Variants in EPHB1 observed in about 807,000 individuals in gnomAD.
EPHB1 encodes the protein EPH receptor B1.
In EPHB1, 30 loss-of-function variants were observed where a neutral mutation model predicts 94.4. The ratio of observed to expected loss-of-function variants is 0.32; its 90% confidence interval spans 0.24 to 0.43. The LOEUF is 0.43. Ranked by LOEUF, EPHB1 falls within the 20% of genes least tolerant of loss-of-function variation. The pLI is 1.00. For missense variants in EPHB1, 1,055 were observed against 1,308.3 expected, an observed-to-expected ratio of 0.81 and a Z score of 2.99; for synonymous variants, 522 against 489.1, an observed-to-expected ratio of 1.07 and a Z score of -0.89.
intron 3 of EPHB1, among the ~76,000 whole-genome samples, chr3:135,097,540 C>T (rs1938849114): frequency 6.6e-6 from 1 of 152,164 alleles, no homozygotes; most frequent in African/African-American, 2.4e-5. Flanking sequence ...GAAAAGCACC[C>T]CCACCCTGGC....
chr3:134,973,864 A>G (rs1465868783), intron 3 of EPHB1, among the ~76,000 whole-genome samples: 7 of 152,172 alleles, frequency 4.6e-5, no homozygotes, highest in Non-Finnish European at 1.0e-4. Context: ...CCTAGAGAAA[A>G]TCTCTGCAGC....
At chr3:134,829,268 T>G (rs941475326) in intron 1 of EPHB1, among the ~76,000 whole-genome samples, 2 of 152,190 alleles carry the variant, frequency 1.3e-5, no homozygotes, top group Non-Finnish European at 2.9e-5. Flanking sequence ...AGGCTTGTTT[T>G]GGAGGGAAAA....
intron 1 of EPHB1, among the ~76,000 whole-genome samples, chr3:134,851,238 A>G (rs1285805998): frequency 2.6e-5 from 4 of 152,234 alleles, no homozygotes; most frequent in East Asian, 1.9e-4. Flanking sequence ...ATGCTATGCA[A>G]GCTTCTCAGG....
chr3:134,859,199 C>T (rs555697704), intron 1 of EPHB1, among the ~76,000 whole-genome samples: 56 of 152,306 alleles, frequency 3.7e-4, no homozygotes, highest in African/African-American at 1.3e-3. Context: ...CAGAGACATG[C>T]AGTATGATAT....
chr3:135,011,238 T>G (rs1486031342), intron 3 of EPHB1, among the ~76,000 whole-genome samples: 1 of 152,214 alleles, frequency 6.6e-6, no homozygotes, highest in Non-Finnish European at 1.5e-5. Context: ...ATTGCAGTGG[T>G]CAGTTTTAGG....
chr3:135,054,757 T>C (rs751875991), intron 3 of EPHB1, among the ~76,000 whole-genome samples: 5 of 152,224 alleles, frequency 3.3e-5, no homozygotes, highest in Non-Finnish European at 7.3e-5. Flanking sequence ...TACGTATTCA[T>C]TCCTTATAAA....
At chr3:135,030,460 C>A in intron 3 of EPHB1, among the ~76,000 whole-genome samples, 1 of 152,148 alleles carries the variant, frequency 6.6e-6, no homozygotes, top group Non-Finnish European at 1.5e-5. Context: ...CCCTCAGCTG[C>A]AGGTCTGTTG....
chr3:135,099,330 TGGAC>T (rs771216815), intron 3 of EPHB1, among the ~76,000 whole-genome samples: 398 of 84,326 alleles, frequency 4.7e-3, no homozygotes, highest in Middle Eastern at 0.019. Flanking sequence ...GACGGATGGA[TGGAC>T]GGATGGATGG....
intron 12 of EPHB1, among the ~76,000 whole-genome samples, chr3:135,205,672 A>G (rs1172888128): frequency 6.6e-6 from 1 of 152,204 alleles, no homozygotes; most frequent in African/African-American, 2.4e-5. Context: ...GAACAGTCAT[A>G]TGCCTACCAC....
At position 135,162,055 on chromosome 3, in the gene EPHB1, A is replaced by G. The variant is rs2107698156; in HGVS notation, c.1460A>G (p.Gln487Arg). 1 of 1,613,188 alleles carries G rather than the reference A, an allele frequency of 6.2e-7. No homozygotes were observed. Among genetic ancestry groups the G allele is most frequent in the Non-Finnish European group, 8.5e-7 (1 of 1,179,454 alleles). Residue 487 changes from glutamine (Q) to arginine (R), a missense_variant, in exon 7 of 16, where the codon CAG (glutamine) becomes CGG (arginine). By Grantham distance (43) the Gln-to-Arg change is conservative (BLOSUM62 1). Transcript: ENST00000398015. ...NEFNSSMARS[Q>R]TNTARIDGLR... ...TTCAACTCCTCCATGGCCAGGAGTC[A>G]GACCAACACAGCAAGGATTGATGGG...
At chr3:135,107,412 A>G (rs1275061543) in intron 4 of EPHB1, among the ~76,000 whole-genome samples, 11 of 143,726 alleles carry the variant, frequency 7.7e-5, no homozygotes, top group Admixed American at 7.5e-4. Context: ...AGTACTTTGG[A>G]TAATTTGCTC....
At chr3:135,180,031 T>G in intron 10 of EPHB1, 49 bp downstream of exon 10, 1 of 1,609,264 alleles carries the variant, frequency 6.2e-7, no homozygotes, top group Non-Finnish European at 8.5e-7. Flanking sequence ...TCCAAACATC[T>G]TCTTTCCACC....
chr3:135,001,451 G>A (rs779396554), intron 3 of EPHB1, among the ~76,000 whole-genome samples: 1 of 152,164 alleles, frequency 6.6e-6, no homozygotes, highest in African/African-American at 2.4e-5. Context: ...ACTCCCACCT[G>A]CTGCTGGACC....
At chr3:135,123,028 T>A (rs914629736) in intron 4 of EPHB1, among the ~76,000 whole-genome samples, 1 of 152,212 alleles carries the variant, frequency 6.6e-6, no homozygotes, top group African/African-American at 2.4e-5. Context: ...CAGGAGCTTT[T>A]TCCTGCCTCT....
chr3:135,126,624 G>A (rs556748749), intron 4 of EPHB1, among the ~76,000 whole-genome samples: 1 of 152,318 alleles, frequency 6.6e-6, no homozygotes, highest in Non-Finnish European at 1.5e-5. Context: ...GGGGCTAGGT[G>A]GCCAGGAAGG....
chr3:135,090,443 CT>C (rs1182642238), intron 3 of EPHB1, among the ~76,000 whole-genome samples: 4 of 152,248 alleles, frequency 2.6e-5, no homozygotes, highest in African/African-American at 9.6e-5. Context: ...CTTGGAGAAT[CT>C]TTTGGAATGA....
chr3:134,851,688 A>G (rs1271410865), intron 1 of EPHB1, among the ~76,000 whole-genome samples: 1 of 152,198 alleles, frequency 6.6e-6, no homozygotes, highest in East Asian at 1.9e-4. Flanking sequence ...TGCCTGACAA[A>G]GGAGAGTTTT....
At chr3:134,854,432 G>T (rs1357388956) in intron 1 of EPHB1, among the ~76,000 whole-genome samples, 2 of 152,136 alleles carry the variant, frequency 1.3e-5, no homozygotes, top group African/African-American at 4.8e-5. Flanking sequence ...CACTCTTCAA[G>T]GATTTGCTTT....
In EPHB1 at chr3:134,795,579, C is replaced by T. The variant is rs2035806703; in HGVS notation, c.-53C>T. 6.3e-7 allele frequency: 1 copy of T among 1,578,406 alleles called. No individual in the cohort carries two copies. Among genetic ancestry groups the T allele is most frequent in the Non-Finnish European group, 8.6e-7 (1 of 1,158,028 alleles). The stretch of plus-strand genomic sequence containing the variant: ...CAGCGGCGCCCTGGGACGCGGCGCT[C>T]TCCCGGCGCTGCTGCCTCGGCTTGG... On this transcript the variant is annotated 5_prime_UTR_variant, in exon 1 of 16. Coordinates refer to ENST00000398015, the MANE Select transcript of EPHB1 (RefSeq NM_004441.5).
Sources: allele counts gnomAD v4.1 joint callset (sites outside exome capture counted in the v4.1 genomes callset), GRCh38; gene constraint gnomAD v4.1.1; transcripts MANE v1.5; gene names NCBI Gene and HGNC (gene_info 2026-07-23, HGNC 2026-07-21).